METTL24: variants seen among roughly 807,000 people sequenced by gnomAD.
METTL24 encodes probable methyltransferase-like protein 24.
METTL24 carries 29 observed loss-of-function variants against 32.7 expected under a neutral mutation model. The observed-to-expected ratio is 0.89, with a 90% confidence interval of 0.66 to 1.21. The LOEUF (loss-of-function observed/expected upper bound fraction) is 1.21, where lower values mean the gene tolerates loss of function less well. Among genes scored for constraint, METTL24 ranks in the 50% most tolerant of loss-of-function variants. The pLI is 0.00. For missense variants in METTL24, 439 were observed against 468.1 expected (o/e 0.94, Z 0.57); for synonymous variants, 163 against 179.5 (o/e 0.91, Z 0.73).
At chr6:110,333,286 C>T (rs756627071) in intron 1 of METTL24, among the ~76,000 whole-genome samples, 2 of 152,018 alleles carry the variant, frequency 1.3e-5, no homozygotes, top group Admixed American at 1.3e-4. Context: ...GCTATTAAAA[C>T]CAAAGGGAAA....
At chr6:110,333,571 C>A (rs970691433) in intron 1 of METTL24, among the ~76,000 whole-genome samples, 1 of 152,168 alleles carries the variant, frequency 6.6e-6, no homozygotes, top group African/African-American at 2.4e-5. Context: ...TCTCCTGCCT[C>A]AGCTTCCCGA....
intron 4 of METTL24, among the ~76,000 whole-genome samples, chr6:110,280,202 CATAT>C (rs1771113615): frequency 6.6e-6 from 1 of 152,186 alleles, no homozygotes; most frequent in Non-Finnish European, 1.5e-5. Flanking sequence ...GGTGGACACA[CATAT>C]CCAAACTATA....
At chr6:110,252,294 C>A (rs745350597) in intron 4 of METTL24, among the ~76,000 whole-genome samples, 1 of 152,222 alleles carries the variant, frequency 6.6e-6, no homozygotes, top group South Asian at 2.1e-4. Flanking sequence ...CCAAGATCAA[C>A]GTGTCAGCAG....
At chr6:110,357,764 A>C in intron 1 of METTL24, 191 bp downstream of exon 1, 1 of 224,180 alleles carries the variant, frequency 4.5e-6, no homozygotes. Flanking sequence ...GCTTGGCCGC[A>C]CTTCAGTCTA....
chr6:110,352,345 G>A (rs1162817179), intron 1 of METTL24, among the ~76,000 whole-genome samples: 3 of 152,146 alleles, frequency 2.0e-5, no homozygotes, highest in Non-Finnish European at 4.4e-5. Flanking sequence ...TGGAGAGAAT[G>A]GTGAGCTGGA....
chr6:110,258,548 G>A (rs1416552387), intron 4 of METTL24, among the ~76,000 whole-genome samples: 1 of 152,012 alleles, frequency 6.6e-6, no homozygotes, highest in Non-Finnish European at 1.5e-5. Flanking sequence ...TGGATGTATG[G>A]ACAAACAGAC....
rs1433166434 is a variant in METTL24 at position 110,358,232 on chromosome 6, A to G, written c.41T>C (p.Leu14Pro). ...CACAGCCCCGAGTAGACACCGGCGC[A>G]GGACGCCGCAGCCCCTCCCGGGCGG... ...ERPPGRGCGV[L>P]RRCLLGAVLL... The change falls in exon 1 of 5, where the codon CTG becomes CCG. Residue 14 changes from leucine (L) to proline (P), a missense_variant. Leu to Pro is a moderately conservative substitution (Grantham distance 98). Transcript: ENST00000338882. 6.7e-7 allele frequency: 1 copy of G among 1,486,114 alleles called. No homozygotes were observed. The highest frequency in any genetic ancestry group is 8.9e-7 in the Non-Finnish European group (1 of 1,124,990). The allele number at this position is 1,486,114 out of a possible 1,614,324, so 92.1% of individuals were successfully genotyped here.
In METTL24 at chr6:110,352,660, A is replaced by C. The variant is rs945651564; in HGVS notation, c.318+5295T>G. ...TCATGTGAGGTATCTAGAGGACCCAAGTGGTGTTTTTAAAAGAAGCTTATC... is the reference window on the plus strand; with the variant it reads ...TCATGTGAGGTATCTAGAGGACCCACGTGGTGTTTTTAAAAGAAGCTTATC... On this transcript the variant is annotated intron_variant, in intron 1 of 4. Transcript: ENST00000338882. Among the ~76,000 whole-genome samples, 7 of 151,960 alleles carry C rather than the reference A, an allele frequency of 4.6e-5. No individual in the cohort carries two copies. In the East Asian group the frequency reaches 5.8e-4, roughly 13 times the overall value.
chr6:110,326,334 T>C (rs1713108615), intron 1 of METTL24, among the ~76,000 whole-genome samples: 1 of 152,256 alleles, frequency 6.6e-6, no homozygotes, highest in Admixed American at 6.5e-5. Context: ...TCCATCTTCA[T>C]GGAACCTAAG....
intron 4 of METTL24, among the ~76,000 whole-genome samples, chr6:110,298,374 T>A (rs572495356): frequency 6.6e-6 from 1 of 152,362 alleles, no homozygotes; most frequent in East Asian, 1.9e-4. Flanking sequence ...AGATTTGACA[T>A]CCTTTGGTAT....
chr6:110,330,916 T>C (rs1191488611), intron 1 of METTL24, among the ~76,000 whole-genome samples: 1 of 152,192 alleles, frequency 6.6e-6, no homozygotes, highest in Non-Finnish European at 1.5e-5. Flanking sequence ...TCCCAACTTA[T>C]GTGGGAAAAA....
At chr6:110,292,958 T>C (rs187365123) in intron 4 of METTL24, among the ~76,000 whole-genome samples, 94 of 152,210 alleles carry the variant, frequency 6.2e-4, no homozygotes, top group African/African-American at 2.2e-3. Context: ...TTAATCTGTT[T>C]ATCTGTTCAT....
chr6:110,343,976 A>T (rs1174792742), intron 1 of METTL24, among the ~76,000 whole-genome samples: 1 of 152,194 alleles, frequency 6.6e-6, no homozygotes, highest in Non-Finnish European at 1.5e-5. Context: ...TATTGGAGAG[A>T]AGAAAAGGTA....
intron 4 of METTL24, among the ~76,000 whole-genome samples, chr6:110,281,129 T>G (rs1463505461): frequency 6.6e-6 from 1 of 152,086 alleles, no homozygotes; most frequent in Non-Finnish European, 1.5e-5. Context: ...AGAGACAGCA[T>G]TTGGGATAGG....
intron 4 of METTL24, among the ~76,000 whole-genome samples, chr6:110,294,820 C>A (rs1239554397): frequency 6.6e-6 from 1 of 151,970 alleles, no homozygotes; most frequent in African/African-American, 2.4e-5. Flanking sequence ...AAAACTGACA[C>A]ACCATATACA....
chr6:110,306,173 G>C (rs1266318605), intron 3 of METTL24, among the ~76,000 whole-genome samples: 1 of 151,910 alleles, frequency 6.6e-6, no homozygotes, highest in East Asian at 1.9e-4. Flanking sequence ...GGGGGCAAGG[G>C]GAGGGATAGC....
At chr6:110,308,192 G>A (rs1244477982) in intron 3 of METTL24, among the ~76,000 whole-genome samples, 1 of 152,144 alleles carries the variant, frequency 6.6e-6, no homozygotes, top group Non-Finnish European at 1.5e-5. Flanking sequence ...AAAAGTTCTT[G>A]AGGGAGGGGT....
chr6:110,258,618 G>A (rs1301324871), intron 4 of METTL24, among the ~76,000 whole-genome samples: 1 of 152,062 alleles, frequency 6.6e-6, no homozygotes, highest in Non-Finnish European at 1.5e-5. Flanking sequence ...GGACCTCACA[G>A]GTTCTGGGTT....
In METTL24 at chr6:110,334,455, G is replaced by A. The variant is rs114455481; in HGVS notation, c.319-11583C>T. 3.9e-3 allele frequency among the ~76,000 whole-genome samples: 601 copies of A among 152,226 alleles called. 3 individuals carry two copies. The highest frequency in any genetic ancestry group is 0.014 in the African/African-American group (578 of 41,524). ...GCTGACAAGGGGACAGAGGCCACAC[G>A]TGGCACAGGACATTGACGGGAAGCA... On this transcript the variant is annotated intron_variant, in intron 1 of 4. Transcript: ENST00000338882.
Sources: gnomAD v4.1 joint callset for allele counts (sites outside exome capture counted in the v4.1 genomes callset) on GRCh38, gnomAD v4.1.1 for gene constraint, MANE v1.5 for transcripts, NCBI Gene and HGNC (gene_info 2026-07-23, HGNC 2026-07-21) for gene names.